Variants in CSMD1 observed in about 807,000 individuals in gnomAD.
The protein encoded by CSMD1 is CUB and sushi domain-containing protein 1.
CSMD1 carries 213 observed loss-of-function variants against 417.5 expected under a neutral mutation model. The observed-to-expected ratio is 0.51, with a 90% confidence interval of 0.46 to 0.57. CSMD1 has a LOEUF of 0.57. Among genes scored for constraint, CSMD1 ranks in the 20% least tolerant of loss-of-function variants. The pLI, the probability that CSMD1 is intolerant of heterozygous loss-of-function variation, is 0.00. For synonymous variants in CSMD1, 2,862 were observed against 1,736.8 expected (o/e 1.65, Z -16.11); for missense variants, 6,923 against 4,529.7 (o/e 1.53, Z -15.17).
chr8:4,882,185 C>A (rs958865885), intron 1 of CSMD1, among the ~76,000 whole-genome samples: 5 of 151,990 alleles, frequency 3.3e-5, no homozygotes, highest in African/African-American at 1.2e-4. Flanking sequence ...TGGCACTAGA[C>A]GGTGGTGTAC....
At chr8:4,119,478 G>A (rs1377758127) in intron 3 of CSMD1, among the ~76,000 whole-genome samples, 1 of 152,146 alleles carries the variant, frequency 6.6e-6, no homozygotes, top group Non-Finnish European at 1.5e-5. Flanking sequence ...AAACCCATTG[G>A]TTAAACTCGT....
intron 11 of CSMD1, among the ~76,000 whole-genome samples, chr8:3,477,470 T>C (rs1178061870): frequency 6.6e-6 from 1 of 152,218 alleles, no homozygotes; most frequent in Non-Finnish European, 1.5e-5. Flanking sequence ...CTTAATTGGG[T>C]AGACACAGGG....
chr8:4,077,295 GTGTATATATA>G (rs1563092752), intron 3 of CSMD1, among the ~76,000 whole-genome samples: 1 of 88,900 alleles, frequency 1.1e-5, no homozygotes, highest in African/African-American at 4.3e-5. Flanking sequence ...ATATATATAT[GTGTATATATA>G]TATATATATA....
intron 1 of CSMD1, among the ~76,000 whole-genome samples, chr8:4,774,164 C>T (rs182787630): frequency 1.3e-5 from 2 of 152,234 alleles, no homozygotes; most frequent in East Asian, 3.9e-4. Flanking sequence ...CGTGCCACTG[C>T]CTACCAGCCT....
intron 3 of CSMD1, among the ~76,000 whole-genome samples, chr8:4,080,241 A>G (rs1440511003): frequency 6.6e-6 from 1 of 152,050 alleles, no homozygotes; most frequent in Non-Finnish European, 1.5e-5. Flanking sequence ...ACCCATCATC[A>G]CTGCCTGCTT....
intron 3 of CSMD1, among the ~76,000 whole-genome samples, chr8:4,184,912 T>C (rs1344002951): frequency 6.7e-6 from 1 of 149,518 alleles, no homozygotes; most frequent in African/African-American, 2.5e-5. Flanking sequence ...AGCCTCTGGG[T>C]GGATCACCTG....
chr8:4,944,751 A>G (rs1180952203), intron 1 of CSMD1, among the ~76,000 whole-genome samples: 1 of 152,008 alleles, frequency 6.6e-6, no homozygotes, highest in Admixed American at 6.6e-5. Context: ...CAAAATAGCA[A>G]CTGTTGGCGA....
chr8:4,787,934 A>C, intron 1 of CSMD1: 1 of 1,593,602 alleles, frequency 6.3e-7, no homozygotes, highest in East Asian at 2.2e-5. Context: ...TTGCTGATGT[A>C]ATTGACAATG....
intron 3 of CSMD1, among the ~76,000 whole-genome samples, chr8:4,295,777 TATATATATATAC>T (rs71205437): frequency 0.41 from 36,909 of 90,770 alleles, 5,662 homozygotes; most frequent in Middle Eastern, 0.5. Flanking sequence ...TATATATATA[TATATATATATAC>T]ACACACACAT....
chr8:3,926,051 T>TAC (rs752699683), intron 5 of CSMD1, among the ~76,000 whole-genome samples: 1 of 76,680 alleles, frequency 1.3e-5, no homozygotes, highest in Admixed American at 1.2e-4. Flanking sequence ...ACAAACACCA[T>TAC]ATACACACAC....
Position 3,162,113 on chromosome 8 carries a change from A to T in CSMD1, c.5844+46T>A, listed in dbSNP as rs375507842. ...CTTTGGCTTTAAGAGAGCTGCACAAAGATGACCATGTGTATGTTATTCCTG... is the reference window on the plus strand; with the variant it reads ...CTTTGGCTTTAAGAGAGCTGCACAATGATGACCATGTGTATGTTATTCCTG... On this transcript the variant is annotated intron_variant, in intron 38 of 69. Coordinates refer to ENST00000635120, the MANE Select transcript of CSMD1 (RefSeq NM_033225.6). 5 of 1,247,078 alleles carry T rather than the reference A, an allele frequency of 4.0e-6. No individual in the cohort carries two copies. The African/African-American group carries it at 7.4e-5, about 18-fold the overall frequency. 77.3% of individuals were successfully genotyped at this position (1,247,078 alleles called of 1,614,324 possible).
rs1204976454 is a variant in CSMD1, at chr8:4,123,567, G to T, written c.416-91468C>A. ...GAACTTGTAACACATTTAAAGTGAG[G>T]AAATTCAACGTTAATTTCTATGGTT... On this transcript the variant is annotated intron_variant, in intron 3 of 69. Transcript: ENST00000635120. Among the ~76,000 whole-genome samples the T allele has an allele frequency of 2.6e-5, 4 of 152,230 alleles. No individual in the cohort carries two copies. The South Asian group carries it at 8.3e-4, about 32-fold the overall frequency.
intron 3 of CSMD1, among the ~76,000 whole-genome samples, chr8:4,293,769 G>A (rs1033396567): frequency 2.0e-5 from 3 of 152,094 alleles, no homozygotes; most frequent in Non-Finnish European, 4.4e-5. Context: ...ATATCAGTTT[G>A]GTACAAATAA....
At chr8:3,507,441 T>A (rs2117376215) in intron 10 of CSMD1, among the ~76,000 whole-genome samples, 1 of 152,328 alleles carries the variant, frequency 6.6e-6, no homozygotes, top group East Asian at 1.9e-4. Flanking sequence ...TCTTTGCTAT[T>A]GTGAATAGTG....
intron 26 of CSMD1, among the ~76,000 whole-genome samples, chr8:3,263,610 G>A (rs1032160844): frequency 6.6e-6 from 1 of 152,100 alleles, no homozygotes; most frequent in East Asian, 1.9e-4. Context: ...TTTTTAGTAT[G>A]AAATTATATT....
chr8:3,774,109 C>T (rs139018712), intron 5 of CSMD1, among the ~76,000 whole-genome samples: 14 of 152,280 alleles, frequency 9.2e-5, no homozygotes, highest in African/African-American at 3.1e-4. Flanking sequence ...ATGTCCGCAA[C>T]CCATTCCCTC....
intron 26 of CSMD1, among the ~76,000 whole-genome samples, chr8:3,241,726 G>C (rs751241465): frequency 2.0e-5 from 3 of 152,228 alleles, no homozygotes; most frequent in Non-Finnish European, 4.4e-5. Context: ...TGGCCGCTGC[G>C]GTTCAGGCAT....
chr8:3,347,913 A>G (rs1168111714), intron 22 of CSMD1, 79 bp downstream of exon 22: 6 of 908,612 alleles, frequency 6.6e-6, no homozygotes, highest in Non-Finnish European at 9.9e-6. Context: ...GCATATATCT[A>G]TATGTAGAAA....
intron 3 of CSMD1, among the ~76,000 whole-genome samples, chr8:4,131,307 T>C (rs1396852210): frequency 6.6e-6 from 1 of 152,168 alleles, no homozygotes; most frequent in South Asian, 2.1e-4. Context: ...GAGCTTCCTG[T>C]AATGTGAGGT....
Sources: gnomAD v4.1 joint callset for allele counts (sites outside exome capture counted in the v4.1 genomes callset) on GRCh38, gnomAD v4.1.1 for gene constraint, MANE v1.5 for transcripts, NCBI Gene and HGNC (gene_info 2026-07-23, HGNC 2026-07-21) for gene names.